The following ZC3H12C variants were observed in gnomAD, a reference collection of about 807,000 sequenced individuals.
ZC3H12C encodes the protein probable ribonuclease ZC3H12C.
In ZC3H12C, 20 loss-of-function variants were observed where a neutral mutation model predicts 76.3. The observed-to-expected ratio is 0.26, with a 90% confidence interval of 0.18 to 0.38. The LOEUF is 0.38. ZC3H12C is among the 10% of genes least tolerant of loss of function. ZC3H12C has a pLI of 1.00. For synonymous variants in ZC3H12C, 352 were observed against 399.6 expected (o/e 0.88, Z 1.42); for missense variants, 874 against 1,086.5 (o/e 0.80, Z 2.75).
intron 2 of ZC3H12C, among the ~76,000 whole-genome samples, chr11:110,146,269 T>G (rs568853689): frequency 6.6e-6 from 1 of 152,172 alleles, no homozygotes; most frequent in Non-Finnish European, 1.5e-5. Flanking sequence ...ATTACAGGCA[T>G]GAGCCGTCGC....
chr11:110,122,634 A>G (rs1861671509), intron 1 of ZC3H12C, among the ~76,000 whole-genome samples: 1 of 152,210 alleles, frequency 6.6e-6, no homozygotes, highest in Non-Finnish European at 1.5e-5. Flanking sequence ...AAGTACACAG[A>G]TACCATTCAA....
intron 1 of ZC3H12C, among the ~76,000 whole-genome samples, chr11:110,104,176 T>TG (rs1041250501): frequency 6.6e-6 from 1 of 151,844 alleles, no homozygotes; most frequent in Non-Finnish European, 1.5e-5. Context: ...CTCGGGTAGC[T>TG]GGGTTATGGA....
Position 110,147,484 on chromosome 11 carries a change from A to G in ZC3H12C, c.774-5435A>G, listed in dbSNP as rs1031482106. 5.9e-5 allele frequency among the ~76,000 whole-genome samples: 9 copies of G among 152,056 alleles called. No individual in the cohort carries two copies. In the East Asian group the frequency reaches 1.7e-3, roughly 29 times the overall value. On this transcript the variant is annotated intron_variant, in intron 2 of 5. Transcript: ENST00000278590. ...AGGGAAGGGGAGGGAGAGCATTAGG[A>G]CAAATACCTAATGCTCGCGGGGCTT...
intron 1 of ZC3H12C, among the ~76,000 whole-genome samples, chr11:110,113,221 G>A (rs1591462331): frequency 6.6e-6 from 1 of 152,248 alleles, no homozygotes; most frequent in East Asian, 1.9e-4. Flanking sequence ...ATGATGTTGA[G>A]TATGGGAAAA....
In ZC3H12C at chr11:110,117,972, CAT is replaced by C. The variant is rs373106739; in HGVS notation, c.22-18684_22-18683del. ...ATATACACACACATATATACACACA[CAT>C]ATATATTATATATATACACACATAT... On this transcript the variant is annotated intron_variant, in intron 1 of 5. Transcript: ENST00000278590. Among the ~76,000 whole-genome samples the C allele has an allele frequency of 6.2e-3, 414 of 67,230 alleles. 16 individuals carry two copies. Among genetic ancestry groups the C allele is most frequent in the African/African-American group, 0.012 (250 of 21,412 alleles). The allele number at this position is 67,230 out of a possible 152,430, so 44.1% of individuals were successfully genotyped here.
intron 1 of ZC3H12C, among the ~76,000 whole-genome samples, chr11:110,117,700 TATATTATATATATACACACACACA>T (rs1225998358): frequency 3.4e-5 from 4 of 116,650 alleles, no homozygotes; most frequent in Admixed American, 1.1e-4. Flanking sequence ...CACACACATA[TATATTATATATATACACACACACA>T]TATATATATA....
chr11:110,144,966 A>G (rs532666013), intron 2 of ZC3H12C, among the ~76,000 whole-genome samples: 20 of 152,330 alleles, frequency 1.3e-4, no homozygotes, highest in African/African-American at 4.8e-4. Flanking sequence ...ATACCTAAAG[A>G]AAACATTAAT....
At chr11:110,134,536 A>G (rs1861921026) in intron 1 of ZC3H12C, among the ~76,000 whole-genome samples, 1 of 152,184 alleles carries the variant, frequency 6.6e-6, no homozygotes, top group South Asian at 2.1e-4. Context: ...TTAGTATATT[A>G]CAGTAGTTAA....
intron 1 of ZC3H12C, chr11:110,124,187 T>G (rs927422736): frequency 2.6e-5 from 4 of 152,328 alleles, no homozygotes; most frequent in South Asian, 4.1e-4. Context: ...GTCTTGAGCT[T>G]CTTTGAATGT....
In ZC3H12C at chr11:110,093,443, G is replaced by T. The variant is rs1414076134; in HGVS notation, c.21+11G>T. ...GGTGGCGGCTCCCAGGTTTGTCCTC[G>T]GGAAGGGGGTGGGGGACGCGGACCG... On this transcript the variant is annotated intron_variant, in intron 1 of 5. Coordinates refer to ENST00000278590, the MANE Select transcript of ZC3H12C (RefSeq NM_033390.2). 12 of 1,206,166 alleles carry T rather than the reference G, an allele frequency of 9.9e-6. No individual in the cohort carries two copies. The highest frequency in any genetic ancestry group is 1.2e-5 in the Non-Finnish European group (12 of 967,368). The allele number at this position is 1,206,166 out of a possible 1,614,324, so 74.7% of individuals were successfully genotyped here.
At position 110,168,889 on chromosome 11, in the gene ZC3H12C, C is replaced by T. The variant is rs1862625873; in HGVS notation, c.*3152C>T. The T allele has an allele frequency of 6.6e-6, 1 of 151,986 alleles. No homozygotes were observed. Among genetic ancestry groups the T allele is most frequent in the Non-Finnish European group, 1.5e-5 (1 of 67,968 alleles). 9.4% of individuals were successfully genotyped at this position (151,986 alleles called of 1,614,324 possible). A position where few individuals can be genotyped will look rare whatever the true frequency, so the allele number is the denominator to read the frequency against. Reference sequence around the variant, plus strand: ...TGAACTTTGTGTTTTTATGAAAATTCATTTATGAGAATATGTAATATAACT... The same window carrying T: ...TGAACTTTGTGTTTTTATGAAAATTTATTTATGAGAATATGTAATATAACT... On this transcript the variant is annotated 3_prime_UTR_variant, in exon 6 of 6. Coordinates refer to ENST00000278590, the MANE Select transcript of ZC3H12C (RefSeq NM_033390.2).
intron 1 of ZC3H12C, 179 bp from the exon 2 acceptor site, chr11:110,136,484 C>T: frequency 1.6e-6 from 1 of 627,358 alleles, no homozygotes; most frequent in South Asian, 2.4e-5. Context: ...TAATTTATGA[C>T]TTCTTCATCT....
intron 1 of ZC3H12C, among the ~76,000 whole-genome samples, chr11:110,122,687 A>G (rs1049187525): frequency 2.0e-5 from 3 of 152,238 alleles, no homozygotes; most frequent in Non-Finnish European, 2.9e-5. Flanking sequence ...GAGATAATCA[A>G]CCTTTATTAT....
In ZC3H12C at chr11:110,165,545, G is replaced by C. The variant is rs1406369723; in HGVS notation, c.2460G>C (p.Trp820Cys). The C allele has an allele frequency of 6.2e-7, 1 of 1,613,638 alleles. No individual in the cohort carries two copies. Among genetic ancestry groups the C allele is most frequent in the Admixed American group, 1.7e-5 (1 of 59,958 alleles). Reference sequence around the variant, plus strand: ...TCCCTGAGCAACAGGAGCCAGCCTGGCGGATCCCATACTGTGGAATGCCGC... The same window carrying C: ...TCCCTGAGCAACAGGAGCCAGCCTGCCGGATCCCATACTGTGGAATGCCGC... ...QSLPEQQEPA[W>C]RIPYCGMPQD... Residue 820 changes from tryptophan (W) to cysteine (C), a missense_variant, in exon 6 of 6, where the codon TGG (tryptophan) becomes TGC (cysteine). Transcript: ENST00000278590.
chr11:110,124,917 A>C (rs612510), intron 1 of ZC3H12C, among the ~76,000 whole-genome samples: 57,392 of 151,808 alleles, frequency 0.38, 11,321 homozygotes, highest in East Asian at 0.65. Flanking sequence ...AAGATAATCT[A>C]AGCCTGGGGG....
At chr11:110,157,357 A>G (rs1862397368) in intron 3 of ZC3H12C, among the ~76,000 whole-genome samples, 1 of 152,004 alleles carries the variant, frequency 6.6e-6, no homozygotes, top group Non-Finnish European at 1.5e-5. Context: ...CAGACTCAAC[A>G]AGATTGTGAT....
intron 3 of ZC3H12C, among the ~76,000 whole-genome samples, chr11:110,153,627 A>G (rs1862318067): frequency 6.6e-6 from 1 of 152,090 alleles, no homozygotes; most frequent in Non-Finnish European, 1.5e-5. Flanking sequence ...GAGAGATGCC[A>G]GAAGTCACAA....
At chr11:110,101,506 T>C (rs1861213447) in intron 1 of ZC3H12C, among the ~76,000 whole-genome samples, 1 of 151,754 alleles carries the variant, frequency 6.6e-6, no homozygotes, top group Non-Finnish European at 1.5e-5. Context: ...AGTGTTCGTC[T>C]ACCATTTCGA....
intron 1 of ZC3H12C, among the ~76,000 whole-genome samples, chr11:110,128,205 T>G (rs905354062): frequency 3.9e-5 from 6 of 152,130 alleles, no homozygotes; most frequent in Admixed American, 1.3e-4. Flanking sequence ...TCCAGCTGTT[T>G]GTATTTTCCC....
Sources: allele counts gnomAD v4.1 joint callset (sites outside exome capture counted in the v4.1 genomes callset), GRCh38; gene constraint gnomAD v4.1.1; transcripts MANE v1.5; gene names NCBI Gene and HGNC (gene_info 2026-07-23, HGNC 2026-07-21).